The following PCDHGA11 variants were observed in gnomAD, a reference collection of about 807,000 sequenced individuals.
PCDHGA11 encodes protocadherin gamma-A11.
Under a neutral mutation model 60.4 loss-of-function variants are expected in PCDHGA11, and 39 were observed. The ratio of observed to expected loss-of-function variants is 0.65; its 90% CI spans 0.50 to 0.84. The LOEUF is 0.84. PCDHGA11 is among the 40% of genes least tolerant of loss of function. The pLI, the probability that PCDHGA11 is intolerant of heterozygous loss-of-function variation, is 0.00. For synonymous variants in PCDHGA11, 533 were observed against 510.3 expected (o/e 1.04, Z -0.60); for missense variants, 1,165 against 1,197.7 (o/e 0.97, Z 0.40).
In PCDHGA11 at chr5:141,485,848, C is replaced by A; in HGVS notation, c.2434-8959C>A. The stretch of plus-strand genomic sequence containing the variant: ...GAGGGAACCCGCCGAGATCTGGCAC[C>A]GCAGAGCTCCGGGTATCCGTGCTGG... On this transcript the variant is annotated intron_variant, in intron 1 of 3. Transcript: ENST00000398587. This position sits in a 1 kb window ranked among gnomAD's most constrained non-coding sequence, Gnocchi z 5.7. 1 of 1,614,192 alleles carries A rather than the reference C, an allele frequency of 6.2e-7. No homozygotes were observed. The highest frequency in any genetic ancestry group is 8.5e-7 in the Non-Finnish European group (1 of 1,180,020).
intron 1 of PCDHGA11, among the ~76,000 whole-genome samples, chr5:141,492,920 G>A (rs2099745093): frequency 6.6e-6 from 1 of 152,198 alleles, no homozygotes; most frequent in African/African-American, 2.4e-5. Context: ...TGTGCCCAGC[G>A]ATCTAGGGTC....
At chr5:141,440,221 C>A (rs557068282) in intron 1 of PCDHGA11, 2 of 152,450 alleles carry the variant, frequency 1.3e-5, no homozygotes, top group Admixed American at 6.5e-5. Context: ...GTAATCCCAG[C>A]ACTTTGGGAG....
At chr5:141,452,839 C>A (rs939513310) in intron 1 of PCDHGA11, among the ~76,000 whole-genome samples, 2 of 152,092 alleles carry the variant, frequency 1.3e-5, no homozygotes, top group Non-Finnish European at 2.9e-5. Flanking sequence ...TTGGTCCAGC[C>A]CACACTCTGG....
intron 1 of PCDHGA11, among the ~76,000 whole-genome samples, chr5:141,444,646 G>T (rs1023259048): frequency 1.3e-5 from 2 of 152,098 alleles, no homozygotes; most frequent in Non-Finnish European, 2.9e-5. Flanking sequence ...TGAGGTAGGG[G>T]TTGAAGTTAT....
intron 1 of PCDHGA11, among the ~76,000 whole-genome samples, chr5:141,456,187 A>G (rs989106132): frequency 3.9e-5 from 6 of 152,084 alleles, no homozygotes; most frequent in African/African-American, 1.4e-4. Flanking sequence ...TAATTTCTTA[A>G]TAACTCCTAC....
intron 1 of PCDHGA11, among the ~76,000 whole-genome samples, chr5:141,448,581 T>A (rs570781751): frequency 2.0e-5 from 3 of 152,274 alleles, no homozygotes; most frequent in African/African-American, 7.2e-5. Context: ...CCATTTTTTT[T>A]ACAAAAAGAT....
At chr5:141,445,575 G>A (rs571896159) in intron 1 of PCDHGA11, among the ~76,000 whole-genome samples, 18 of 152,262 alleles carry the variant, frequency 1.2e-4, no homozygotes, top group African/African-American at 4.3e-4. Flanking sequence ...CTTATAGTAG[G>A]GAAGCTTCGC....
chr5:141,457,417 CT>C lies in PCDHGA11; in HGVS notation c.2433+33762del, dbSNP rs894846890. On this transcript the variant is annotated intron_variant, in intron 1 of 3. Transcript: ENST00000398587. ...ATTCACATTTTCACATTACCCATCC[CT>C]TTTTCCCCCCCACCAAGCTGCAGAA... Among the ~76,000 whole-genome samples, 3 of 152,296 alleles carry C rather than the reference CT, an allele frequency of 2.0e-5. No individual in the cohort carries two copies. In the South Asian group the frequency reaches 6.2e-4, roughly 32 times the overall value.
rs750139205 is a variant in PCDHGA11 at position 141,489,738 on chromosome 5, T to C, written c.2434-5069T>C. Reference sequence around the variant, plus strand: ...AGGATCCGGATGTGGGCACCAATACTGTGAGCTTTTACACTCTAAGCCCCA... The same window carrying C: ...AGGATCCGGATGTGGGCACCAATACCGTGAGCTTTTACACTCTAAGCCCCA... On this transcript the variant is annotated intron_variant, in intron 1 of 3. Coordinates refer to ENST00000398587, the MANE Select transcript of PCDHGA11 (RefSeq NM_018914.3). This position sits in a 1 kb window ranked among gnomAD's most constrained non-coding sequence, Gnocchi z 4.5. 1 of 1,614,168 alleles carries C rather than the reference T, an allele frequency of 6.2e-7. No individual in the cohort carries two copies. Among genetic ancestry groups the C allele is most frequent in the Non-Finnish European group, 8.5e-7 (1 of 1,180,030 alleles).
chr5:141,432,575 T>TACC lies in PCDHGA11; in HGVS notation c.2433+8916_2433+8918dup, dbSNP rs1044250629. 6.2e-7 allele frequency: 1 copy of TACC among 1,613,326 alleles called. No individual in the cohort carries two copies. The highest frequency in any genetic ancestry group is 1.3e-5 in the African/African-American group (1 of 74,718). ...CTCCGGCCAGAACGCCTGGCTGTCC[T>TACC]ACCGTCTGCTCAAGGCCAGCGAGCC... On this transcript the variant is annotated intron_variant, in intron 1 of 3. Transcript: ENST00000398587. This position sits in a 1 kb window ranked among gnomAD's most constrained non-coding sequence, Gnocchi z 6.0.
At chr5:141,427,952 T>C (rs1311471634) in intron 1 of PCDHGA11, 38 of 1,587,018 alleles carry the variant, frequency 2.4e-5, no homozygotes, top group Non-Finnish European at 2.8e-5. Flanking sequence ...TCAATGACAA[T>C]GTGCCGCGGG....
rs749781059 is a variant in PCDHGA11 at position 141,477,983 on chromosome 5, C to G, written c.2434-16824C>G. On this transcript the variant is annotated intron_variant, in intron 1 of 3. Coordinates refer to ENST00000398587, the MANE Select transcript of PCDHGA11 (RefSeq NM_018914.3). This position sits in a 1 kb window ranked among gnomAD's most constrained non-coding sequence, Gnocchi z 4.9. ...TAACCAGAGCCTTTTTGCCATAGGG[C>G]TGCACACTGGTCAAATCAGTACTGC... The G allele has an allele frequency of 1.7e-5, 27 of 1,614,126 alleles. No homozygotes were observed. The highest frequency in any genetic ancestry group is 2.3e-5 in the Non-Finnish European group (27 of 1,180,024).
chr5:141,450,179 A>G (rs1472867634), intron 1 of PCDHGA11, among the ~76,000 whole-genome samples: 1 of 151,100 alleles, frequency 6.6e-6, no homozygotes, highest in African/African-American at 2.4e-5. Flanking sequence ...CACCACACCC[A>G]GCTAATTTTT....
Position 141,422,289 on chromosome 5 carries a change from T to A in PCDHGA11, c.1062T>A (p.Ile354=). The A allele has an allele frequency of 1.3e-6, 2 of 1,553,678 alleles. No homozygotes were observed. The highest frequency in any genetic ancestry group is 1.7e-6 in the Non-Finnish European group (2 of 1,156,830). ...CAGAAATAACTATCACCTCTTCTAT[T>A]AATTCAATTCTGGAAAACTCTCCTC... ...NAPEITITSS[I]NSILENSPPG... is the part of the protein sequence containing the mutation. The change falls in exon 1 of 4, where the codon ATT becomes ATA. Residue 354 remains isoleucine (I), a synonymous_variant. Coordinates refer to ENST00000398587, the MANE Select transcript of PCDHGA11 (RefSeq NM_018914.3).
intron 1 of PCDHGA11, among the ~76,000 whole-genome samples, chr5:141,475,341 C>T (rs1306106224): frequency 6.6e-6 from 1 of 152,162 alleles, no homozygotes; most frequent in Non-Finnish European, 1.5e-5. Context: ...CAATGACATC[C>T]AGTTTTAAAA....
chr5:141,446,088 T>C (rs2098487177), intron 1 of PCDHGA11, among the ~76,000 whole-genome samples: 1 of 152,100 alleles, frequency 6.6e-6, no homozygotes, highest in African/African-American at 2.4e-5. Flanking sequence ...TAGAAATAAA[T>C]GGATGAATTA....
chr5:141,471,564 T>C (rs1352708320), intron 1 of PCDHGA11: 1 of 152,184 alleles, frequency 6.6e-6, no homozygotes, highest in African/African-American at 2.4e-5. Context: ...GACTCAGGGG[T>C]AGCAGTAGAT....
intron 1 of PCDHGA11, among the ~76,000 whole-genome samples, chr5:141,465,090 A>G (rs566511602): frequency 6.7e-6 from 1 of 149,576 alleles, no homozygotes; most frequent in Admixed American, 6.7e-5. Flanking sequence ...TCATTTTTCT[A>G]GTAGTTTTTT....
At chr5:141,500,840 C>G (rs1394248251) in intron 2 of PCDHGA11, among the ~76,000 whole-genome samples, 1 of 151,966 alleles carries the variant, frequency 6.6e-6, no homozygotes, top group Non-Finnish European at 1.5e-5. Context: ...TGCTAATGGG[C>G]TTTTGCTACA....
Sources: allele counts gnomAD v4.1 joint callset (sites outside exome capture counted in the v4.1 genomes callset), GRCh38; gene constraint gnomAD v4.1.1; non-coding constraint Gnocchi (gnomAD v3.1); transcripts MANE v1.5; gene names NCBI Gene and HGNC (gene_info 2026-07-23, HGNC 2026-07-21).